Variants in SCML4 observed in about 807,000 individuals in gnomAD.
SCML4 encodes Scm polycomb group protein like 4, also known as sex comb on midleg-like protein 4.
A neutral mutation model predicts 41.1 loss-of-function variants in SCML4; 34 were observed. The ratio of observed to expected loss-of-function variants is 0.83; its 90% confidence interval spans 0.63 to 1.10. SCML4 has a LOEUF of 1.10. Ranked by LOEUF, SCML4 falls within the 50% of genes least tolerant of loss-of-function variation. The probability of loss-of-function intolerance (pLI) is 0.00; values close to 1 mark genes in which losing one functional copy is unlikely to be tolerated. For synonymous variants in SCML4, 214 were observed against 220.9 expected (o/e 0.97, Z 0.28); for missense variants, 522 against 534.1 (o/e 0.98, Z 0.22).
chr6:107,819,852 C>T (rs752417011), intron 1 of SCML4, among the ~76,000 whole-genome samples: 5 of 152,170 alleles, frequency 3.3e-5, no homozygotes, highest in Non-Finnish European at 7.3e-5. Context: ...TCAAAATCTA[C>T]TCCCATTACT....
the SCML4 span, among the ~76,000 whole-genome samples, chr6:107,832,251 T>C: frequency 6.6e-6 from 1 of 151,546 alleles, no homozygotes; most frequent in African/African-American, 2.4e-5. Context: ...ACAATAAAAA[T>C]AAAAATAAAG....
At chr6:107,803,925 G>A (rs1408248347) in intron 1 of SCML4, among the ~76,000 whole-genome samples, 3 of 151,600 alleles carry the variant, frequency 2.0e-5, no homozygotes, top group African/African-American at 7.3e-5. Flanking sequence ...AAGGCCGCAG[G>A]GTCCTCTGCC....
chr6:107,798,493 T>C (rs1241849150), intron 1 of SCML4, among the ~76,000 whole-genome samples: 1 of 152,010 alleles, frequency 6.6e-6, no homozygotes, highest in Non-Finnish European at 1.5e-5. Context: ...TTTCTTTCTT[T>C]TTCTTGATCA....
intron 5 of SCML4, among the ~76,000 whole-genome samples, chr6:107,738,828 C>A (rs1468993039): frequency 6.6e-6 from 1 of 152,140 alleles, no homozygotes; most frequent in African/African-American, 2.4e-5. Context: ...CCACCTCCAG[C>A]CCGGAGCTGT....
chr6:107,714,958 G>A (rs1774608625), intron 6 of SCML4, among the ~76,000 whole-genome samples: 1 of 137,290 alleles, frequency 7.3e-6, no homozygotes, highest in South Asian at 2.5e-4. Context: ...TTTCCCTGGT[G>A]TCCCTGCACA....
chr6:107,802,997 CG>C (rs904407724), intron 1 of SCML4, among the ~76,000 whole-genome samples: 3 of 151,510 alleles, frequency 2.0e-5, no homozygotes, highest in Admixed American at 2.0e-4. Context: ...CCGCCAGCCT[CG>C]GCCTCCCGAG....
Position 107,789,901 on chromosome 6 carries a change from A to G in SCML4, c.-59-17515T>C, listed in dbSNP as rs981662110. 5.9e-5 allele frequency among the ~76,000 whole-genome samples: 9 copies of G among 152,354 alleles called. No homozygotes were observed. In the South Asian group the frequency reaches 1.9e-3, roughly 32 times the overall value. ...AAATGAATTAATAAAACGTACATACATGCATATATTATTTTATTAAATTCT... is the reference window on the plus strand; with the variant it reads ...AAATGAATTAATAAAACGTACATACGTGCATATATTATTTTATTAAATTCT... On this transcript the variant is annotated intron_variant, in intron 1 of 7. Transcript: ENST00000369020.
chr6:107,841,607 G>C, the SCML4 span, among the ~76,000 whole-genome samples: 20 of 152,304 alleles, frequency 1.3e-4, no homozygotes, highest in East Asian at 3.9e-3. Context: ...GTAAAATGGG[G>C]ATCAAAATAG....
chr6:107,799,756 G>A (rs1240760258), intron 1 of SCML4, among the ~76,000 whole-genome samples: 1 of 151,818 alleles, frequency 6.6e-6, no homozygotes, highest in Non-Finnish European at 1.5e-5. Flanking sequence ...TGGCTAATCT[G>A]TTGCTAACCC....
chr6:107,795,996 T>G (rs796998879), intron 1 of SCML4, among the ~76,000 whole-genome samples: 10 of 152,392 alleles, frequency 6.6e-5, no homozygotes, highest in African/African-American at 2.4e-4. Flanking sequence ...TTTGTAAGTA[T>G]ACCAGCAGTT....
At chr6:107,835,763 C>CAAAAA in the SCML4 span, among the ~76,000 whole-genome samples, 6 of 86,080 alleles carry the variant, frequency 7.0e-5, no homozygotes, top group Admixed American at 1.5e-4. Flanking sequence ...GACCCCATCT[C>CAAAAA]AAAAAAAAAA....
chr6:107,823,845 A>G (rs1266698419), intron 1 of SCML4, among the ~76,000 whole-genome samples: 2 of 152,266 alleles, frequency 1.3e-5, no homozygotes, highest in Non-Finnish European at 2.9e-5. Flanking sequence ...AGAGTTAAAG[A>G]GTAATGAACA....
At chr6:107,838,108 A>G in the SCML4 span, among the ~76,000 whole-genome samples, 3 of 152,038 alleles carry the variant, frequency 2.0e-5, no homozygotes, top group South Asian at 6.2e-4. Context: ...GGGTTTCACC[A>G]TGTTGGCCAG....
Position 107,720,746 on chromosome 6 carries a change from G to A in SCML4, c.930C>T (p.Ser310=). 3.1e-6 allele frequency: 5 copies of A among 1,596,948 alleles called. No individual in the cohort carries two copies. The highest frequency in any genetic ancestry group is 4.3e-6 in the Non-Finnish European group (5 of 1,172,912). Reference sequence around the variant, plus strand: ...GAGAGGTCGTGTTTCTCTTGGGGCTGGAGGCTGGAGGCCTCAGCCCAGGTG... The same window carrying A: ...GAGAGGTCGTGTTTCTCTTGGGGCTAGAGGCTGGAGGCCTCAGCCCAGGTG... ...PSAPGLRPPA[S]SPKRNTTSLE... Residue 310 remains serine, a synonymous_variant, in exon 6 of 8, where the codon TCC becomes TCT. Coordinates refer to ENST00000369020, the MANE Select transcript of SCML4 (RefSeq NM_198081.5).
At chr6:107,831,415 A>C in the SCML4 span, among the ~76,000 whole-genome samples, 5 of 101,736 alleles carry the variant, frequency 4.9e-5, no homozygotes, top group East Asian at 2.1e-4. Context: ...CATTCTCAAA[A>C]AAAAAAAAAA....
chr6:107,705,112 A>G lies in SCML4; in HGVS notation c.*88T>C. 1 of 1,196,078 alleles carries G rather than the reference A, an allele frequency of 8.4e-7. No individual in the cohort carries two copies. Among genetic ancestry groups the G allele is most frequent in the Non-Finnish European group, 1.2e-6 (1 of 825,548 alleles). The allele number at this position is 1,196,078 out of a possible 1,614,324, so 74.1% of individuals were successfully genotyped here. On this transcript the variant is annotated 3_prime_UTR_variant, in exon 8 of 8. Transcript: ENST00000369020. ...GCTGTTAATTTTAAGAGGAGAGTCT[A>G]GTTTGTGATGTTGGCGGGATATTGG...
chr6:107,745,834 T>G lies in SCML4; in HGVS notation c.488-691A>C, dbSNP rs1030451623. On this transcript the variant is annotated intron_variant, in intron 4 of 7. Transcript: ENST00000369020. Reference sequence around the variant, plus strand: ...GTGAGGCATTCATCTCTACAAAAAATTGTAAAAAATTAGCCAGGCTTGGCG... The same window carrying G: ...GTGAGGCATTCATCTCTACAAAAAAGTGTAAAAAATTAGCCAGGCTTGGCG... 3 of 151,972 alleles carry G rather than the reference T, an allele frequency of 2.0e-5. No individual in the cohort carries two copies. The East Asian group carries it at 5.8e-4, about 29-fold the overall frequency. 9.4% of individuals were successfully genotyped at this position (151,972 alleles called of 1,614,324 possible). A position where few individuals can be genotyped will look rare whatever the true frequency, so the allele number is the denominator to read the frequency against.
intron 3 of SCML4, among the ~76,000 whole-genome samples, chr6:107,749,408 C>G (rs1229082187): frequency 6.6e-6 from 1 of 152,060 alleles, no homozygotes; most frequent in East Asian, 1.9e-4. Context: ...ATCTGGCCAC[C>G]CTGTGCCCCG....
chr6:107,713,355 A>T (rs1331825002), intron 6 of SCML4, among the ~76,000 whole-genome samples: 1 of 152,176 alleles, frequency 6.6e-6, no homozygotes, highest in African/African-American at 2.4e-5. Context: ...GTTGTAAAAT[A>T]AAAGGGCTTG....
Sources: gnomAD v4.1 joint callset for allele counts (sites outside exome capture counted in the v4.1 genomes callset) on GRCh38, gnomAD v4.1.1 for gene constraint, MANE v1.5 for transcripts, NCBI Gene and HGNC (gene_info 2026-07-23, HGNC 2026-07-21) for gene names.